CHD1: variants seen among roughly 807,000 people sequenced by gnomAD.
CHD1 encodes the protein ATP-dependent chromatin remodeler CHD1.
CHD1 carries 36 observed loss-of-function variants against 224.2 expected under a neutral mutation model. That is an observed-to-expected ratio of 0.16 (90% CI 0.12 to 0.21). CHD1 has a LOEUF of 0.21. CHD1 is among the 10% of genes least tolerant of loss of function. The probability of loss-of-function intolerance (pLI) is 1.00; values close to 1 mark genes in which losing one functional copy is unlikely to be tolerated. For synonymous variants in CHD1, 668 were observed against 658.3 expected, an observed-to-expected ratio of 1.01 and a Z score of -0.23; for missense variants, 1,378 against 1,994.8, an observed-to-expected ratio of 0.69 and a Z score of 5.89.
At position 98,928,871 on chromosome 5, in the gene CHD1, C is replaced by T; in HGVS notation, c.-481G>A. The T allele has an allele frequency of 6.4e-6, 1 of 155,566 alleles. No individual in the cohort carries two copies. Among genetic ancestry groups the T allele is most frequent in the South Asian group, 1.6e-4 (1 of 6,372 alleles). 9.6% of individuals were successfully genotyped at this position (155,566 alleles called of 1,614,324 possible). On this transcript the variant is annotated 5_prime_UTR_variant, in exon 1 of 36. Coordinates refer to ENST00000614616, the MANE Select transcript of CHD1 (RefSeq NM_001270.4). ...CCCTCCGCTTATCTGCCCCCGGCAG[C>T]CGCCATGACGCCGAGAAAGCAAGCG...
At chr5:98,905,214 ATCTTTGGCC>A in intron 2 of CHD1, 116 bp from the exon 3 acceptor site, 1 of 1,202,590 alleles carries the variant, frequency 8.3e-7, no homozygotes, top group Non-Finnish European at 1.1e-6. Context: ...TATTTCAACT[ATCTTTGGCC>A]AAAAAAAAGA....
At chr5:98,922,276 CT>C (rs1753148840) in intron 2 of CHD1, among the ~76,000 whole-genome samples, 2 of 152,220 alleles carry the variant, frequency 1.3e-5, no homozygotes, top group South Asian at 4.1e-4. Flanking sequence ...CCAGCATTAT[CT>C]TTAAAAAGCT....
chr5:98,904,916 G>A lies in CHD1; in HGVS notation c.236C>T (p.Pro79Leu). ...SRENKVQAKP[P>L]KVDGAEFWKS... ...GATTACCTCAGCTCCATCAACTTTCGGTGGTTTTGCTTGAACTTTGTTTTC... is the reference window on the plus strand; with the variant it reads ...GATTACCTCAGCTCCATCAACTTTCAGTGGTTTTGCTTGAACTTTGTTTTC... Residue 79 changes from proline to leucine, a missense_variant, in exon 3 of 36, where the codon CCG becomes CTG. Around this residue, in one of 16 missense-constraint regions of CHD1, gnomAD observed 306 missense variants for 298.1 expected, o/e 1.03. Coordinates refer to ENST00000614616, the MANE Select transcript of CHD1 (RefSeq NM_001270.4). 2 of 1,613,816 alleles carry A rather than the reference G, an allele frequency of 1.2e-6. No homozygotes were observed. The highest frequency in any genetic ancestry group is 1.7e-6 in the Non-Finnish European group (2 of 1,179,864).
At chr5:98,871,552 A>G (rs1440806556) in intron 28 of CHD1, among the ~76,000 whole-genome samples, 1 of 152,042 alleles carries the variant, frequency 6.6e-6, no homozygotes, top group African/African-American at 2.4e-5. Context: ...GATGGAAGAA[A>G]TAAGACCTAG....
At chr5:98,927,198 T>C (rs2112686625) in intron 1 of CHD1, among the ~76,000 whole-genome samples, 1 of 152,346 alleles carries the variant, frequency 6.6e-6, no homozygotes, top group East Asian at 1.9e-4. Context: ...ATATACACTA[T>C]ATCTGATTTT....
At chr5:98,919,714 T>C (rs1752965656) in intron 2 of CHD1, among the ~76,000 whole-genome samples, 1 of 152,186 alleles carries the variant, frequency 6.6e-6, no homozygotes, top group Non-Finnish European at 1.5e-5. Context: ...GCCATCGGTA[T>C]GAACTCACGT....
chr5:98,916,470 G>C (rs185740997), intron 2 of CHD1, among the ~76,000 whole-genome samples: 2 of 149,332 alleles, frequency 1.3e-5, no homozygotes, highest in South Asian at 4.2e-4. Context: ...GCTTGAACCC[G>C]GGAGGCAGAG....
chr5:98,924,071 T>C (rs535600352), intron 2 of CHD1, among the ~76,000 whole-genome samples: 2 of 152,098 alleles, frequency 1.3e-5, no homozygotes, highest in South Asian at 2.1e-4. Flanking sequence ...GCTGAGGCAA[T>C]ATGGTGAGAC....
At chr5:98,897,172 G>A (rs1229662565) in intron 11 of CHD1, 21 bp downstream of exon 11, 7 of 1,600,542 alleles carry the variant, frequency 4.4e-6, no homozygotes, top group Non-Finnish European at 6.0e-6. Flanking sequence ...AAATTAAATA[G>A]ATGATTCAAA....
Position 98,890,733 on chromosome 5 carries a change from T to C in CHD1, c.2181-1495A>G, listed in dbSNP as rs182876740. Among the ~76,000 whole-genome samples, 154 of 152,278 alleles carry C rather than the reference T, an allele frequency of 1.0e-3. 1 individual carries two copies. Among genetic ancestry groups the C allele is most frequent in the African/African-American group, 3.5e-3 (147 of 41,548 alleles). Reference sequence around the variant, plus strand: ...CTCATAATTATTAATTTGAATATTATCAAGCACCTACATCTACCTACCAAT... The same window carrying C: ...CTCATAATTATTAATTTGAATATTACCAAGCACCTACATCTACCTACCAAT... On this transcript the variant is annotated intron_variant, in intron 15 of 35. Coordinates refer to ENST00000614616, the MANE Select transcript of CHD1 (RefSeq NM_001270.4).
In CHD1 at chr5:98,893,715, CTT is replaced by C. The variant is rs979662745; in HGVS notation, c.1801-111_1801-110del. Reference sequence around the variant, plus strand: ...AAATGAAATAAAAATTAAAAACAAACTTTGTCTAATTTTCAAATAAAAAATCG... The same window carrying C: ...AAATGAAATAAAAATTAAAAACAAACTGTCTAATTTTCAAATAAAAAATCG... On this transcript the variant is annotated intron_variant, in intron 13 of 35. Coordinates refer to ENST00000614616, the MANE Select transcript of CHD1 (RefSeq NM_001270.4). 9.9e-5 allele frequency: 70 copies of C among 706,066 alleles called. 1 individual carries two copies. The highest frequency in any genetic ancestry group is 9.1e-4 in the South Asian group (45 of 49,660). 43.7% of individuals were successfully genotyped at this position (706,066 alleles called of 1,614,324 possible). A position where few individuals can be genotyped will look rare whatever the true frequency, so the allele number is the denominator to read the frequency against.
chr5:98,912,273 T>C (rs1752472362), intron 2 of CHD1, among the ~76,000 whole-genome samples: 1 of 152,154 alleles, frequency 6.6e-6, no homozygotes, highest in African/African-American at 2.4e-5. Context: ...AATTATCTAA[T>C]GTATAATGTG....
Position 98,900,800 on chromosome 5 carries a change from T to C in CHD1, c.859+11A>G. On this transcript the variant is annotated intron_variant, in intron 7 of 35. Coordinates refer to ENST00000614616, the MANE Select transcript of CHD1 (RefSeq NM_001270.4). Reference sequence around the variant, plus strand: ...AAATAACCAAACAATAAATGGTTTTTTAAAAACTACCTCCTTTTCTCCCAA... The same window carrying C: ...AAATAACCAAACAATAAATGGTTTTCTAAAAACTACCTCCTTTTCTCCCAA... The C allele has an allele frequency of 6.2e-7, 1 of 1,602,510 alleles. No homozygotes were observed. Among genetic ancestry groups the C allele is most frequent in the Non-Finnish European group, 8.5e-7 (1 of 1,175,484 alleles).
In CHD1 at chr5:98,883,217, G is replaced by C. The variant is rs1448509374; in HGVS notation, c.2589C>G (p.Ser863=). The change falls in exon 19 of 36, where the codon TCC becomes TCG. Residue 863 remains serine, a synonymous_variant. Transcript: ENST00000614616. ...EGSEDFCFLL[S]TRAGGLGINL... is the part of the protein sequence containing the mutation. Reference sequence around the variant, plus strand: ...TAATCCCTAGACCTCCAGCTCTTGTGGACAGCAAAAAGCAAAAATCCTGTA... The same window carrying C: ...TAATCCCTAGACCTCCAGCTCTTGTCGACAGCAAAAAGCAAAAATCCTGTA... 1 of 1,574,600 alleles carries C rather than the reference G, an allele frequency of 6.4e-7. No individual in the cohort carries two copies. The highest frequency in any genetic ancestry group is 1.4e-5 in the African/African-American group (1 of 72,280).
chr5:98,886,302 T>C (rs957860298), intron 17 of CHD1: 7 of 152,200 alleles, frequency 4.6e-5, no homozygotes, highest in African/African-American at 1.7e-4. Context: ...AGCAAGTGAT[T>C]TGACTTTTCT....
chr5:98,899,449 A>G (rs1445276924), intron 8 of CHD1, 31 bp downstream of exon 8: 1 of 1,322,300 alleles, frequency 7.6e-7, no homozygotes, highest in Admixed American at 1.7e-5. Context: ...TTGAACTATT[A>G]AAAGAAGTAT....
intron 23 of CHD1, among the ~76,000 whole-genome samples, chr5:98,877,739 T>C (rs749600607): frequency 3.9e-5 from 6 of 152,102 alleles, no homozygotes; most frequent in Non-Finnish European, 5.9e-5. Flanking sequence ...TCACACACTC[T>C]AAAACAAAAC....
rs757652022 is a variant in CHD1, at chr5:98,889,062, T to C, written c.2343+14A>G. The C allele has an allele frequency of 6.6e-7, 1 of 1,522,968 alleles. No homozygotes were observed. The highest frequency in any genetic ancestry group is 1.2e-5 in the South Asian group (1 of 84,008). The allele number at this position is 1,522,968 out of a possible 1,614,324, so 94.3% of individuals were successfully genotyped here. A position where few individuals can be genotyped will look rare whatever the true frequency, so the allele number is the denominator to read the frequency against. ...GAACTTTATCACAAAGAAACAACAT[T>C]TAAAAATTCTTACTTGTAAGGCCTC... is the stretch of plus-strand genomic sequence containing the variant. On this transcript the variant is annotated intron_variant, in intron 16 of 35. Transcript: ENST00000614616.
rs541959958 is a variant in CHD1, at chr5:98,917,635, C to T, written c.53+8699G>A. On this transcript the variant is annotated intron_variant, in intron 2 of 35. Transcript: ENST00000614616. ...CATTCTCATTAAGAAAAGAGTACCC[C>T]GCTATTCTTGTGCCTTATGCCTCAG... is the stretch of plus-strand genomic sequence containing the variant. Among the ~76,000 whole-genome samples the T allele has an allele frequency of 2.6e-5, 4 of 152,280 alleles. No individual in the cohort carries two copies. In the South Asian group the frequency reaches 6.2e-4, roughly 24 times the overall value.
Sources: gnomAD v4.1 joint callset for allele counts (sites outside exome capture counted in the v4.1 genomes callset) on GRCh38, gnomAD v4.1.1 for gene constraint, gnomAD v4.1.1 regional missense constraint, MANE v1.5 for transcripts, NCBI Gene and HGNC (gene_info 2026-07-23, HGNC 2026-07-21) for gene names.